Variants in ARHGAP26 observed in about 807,000 individuals in gnomAD.
ARHGAP26 encodes the protein rho GTPase-activating protein 26.
Under a neutral mutation model 104.8 loss-of-function variants are expected in ARHGAP26, and 38 were observed. That is an observed-to-expected ratio of 0.36 (90% CI 0.28 to 0.48). The LOEUF is 0.48. Among genes scored for constraint, ARHGAP26 ranks in the 20% least tolerant of loss-of-function variants. ARHGAP26 has a pLI of 0.99. For missense variants in ARHGAP26, 704 were observed against 947.9 expected (o/e 0.74, Z 3.38); for synonymous variants, 341 against 340.0 (o/e 1.00, Z -0.03).
At chr5:143,013,103 T>A (rs1779117724) in intron 11 of ARHGAP26, among the ~76,000 whole-genome samples, 1 of 152,184 alleles carries the variant, frequency 6.6e-6, no homozygotes, top group South Asian at 2.1e-4. Flanking sequence ...CAAACAAATA[T>A]CTATAATTGA....
chr5:143,203,722 C>T (rs1328302927), intron 20 of ARHGAP26: 1 of 152,212 alleles, frequency 6.6e-6, no homozygotes, highest in Non-Finnish European at 1.5e-5. Flanking sequence ...CACATATACA[C>T]CATGGAATAC....
chr5:143,219,517 T>C lies in ARHGAP26; in HGVS notation c.2192-2841T>C, dbSNP rs140897412. ...CCCATGAATACTATGTGGAATGTAC[T>C]ATGAGCATTTTAGGTGTCTGGAGGA... is the stretch of plus-strand genomic sequence containing the variant. On this transcript the variant is annotated intron_variant, in intron 22 of 22. Coordinates refer to ENST00000645722, the MANE Select transcript of ARHGAP26 (RefSeq NM_001135608.3). Among the ~76,000 whole-genome samples, 657 of 152,290 alleles carry C rather than the reference T, an allele frequency of 4.3e-3. 2 individuals carry two copies. Among genetic ancestry groups the C allele is most frequent in the Middle Eastern group, 0.02 (6 of 294 alleles).
chr5:142,937,199 C>T (rs1416354955), intron 11 of ARHGAP26, among the ~76,000 whole-genome samples: 1 of 151,928 alleles, frequency 6.6e-6, no homozygotes, highest in Non-Finnish European at 1.5e-5. Context: ...TAAGAACTCT[C>T]AAAACTTAAC....
At chr5:143,109,227 A>G (rs1056349032) in intron 17 of ARHGAP26, among the ~76,000 whole-genome samples, 2 of 152,198 alleles carry the variant, frequency 1.3e-5, no homozygotes, top group Non-Finnish European at 2.9e-5. Context: ...TTCTTCCACC[A>G]GGCTTCCCAG....
rs568167749 is a variant in ARHGAP26, at chr5:142,997,626, C to T, written c.1108-16454C>T. ...AGAGACAAGGTCTCACCATGTTGCC[C>T]AGGCTGGTCTCAAACTCCTGATCCC... is the stretch of plus-strand genomic sequence containing the variant. On this transcript the variant is annotated intron_variant, in intron 11 of 22. Coordinates refer to ENST00000645722, the MANE Select transcript of ARHGAP26 (RefSeq NM_001135608.3). Among the ~76,000 whole-genome samples, 3 of 149,862 alleles carry T rather than the reference C, an allele frequency of 2.0e-5. No homozygotes were observed. In the East Asian group the frequency reaches 5.9e-4, roughly 29 times the overall value.
intron 1 of ARHGAP26, among the ~76,000 whole-genome samples, chr5:142,843,467 A>G (rs1284175467): frequency 6.6e-6 from 1 of 152,216 alleles, no homozygotes; most frequent in Admixed American, 6.5e-5. Context: ...GATGCCTACC[A>G]TTCATTGAGT....
intron 21 of ARHGAP26, among the ~76,000 whole-genome samples, chr5:143,209,647 G>T (rs1471028122): frequency 2.0e-5 from 3 of 152,098 alleles, no homozygotes; most frequent in Non-Finnish European, 4.4e-5. Flanking sequence ...CAGGCATGGT[G>T]GTGGGCGCCT....
chr5:143,012,537 T>TTATA (rs752338630), intron 11 of ARHGAP26, among the ~76,000 whole-genome samples: 2,506 of 17,302 alleles, frequency 0.14, 403 homozygotes, highest in Middle Eastern at 0.24. Context: ...AGGGATATAT[T>TTATA]TATATACATA....
chr5:142,912,856 CATAGA>C (rs1384818523), intron 9 of ARHGAP26, among the ~76,000 whole-genome samples: 1 of 152,138 alleles, frequency 6.6e-6, no homozygotes, highest in African/African-American at 2.4e-5. Context: ...AACCCAAGAT[CATAGA>C]AGCTCAGAGT....
At chr5:143,181,855 A>G (rs561408555) in intron 20 of ARHGAP26, among the ~76,000 whole-genome samples, 2 of 152,304 alleles carry the variant, frequency 1.3e-5, no homozygotes, top group South Asian at 4.1e-4. Context: ...AAAACCCCCC[A>G]GTGGCTTAGA....
At chr5:142,804,139 T>A (rs1232989530) in intron 1 of ARHGAP26, among the ~76,000 whole-genome samples, 1 of 152,206 alleles carries the variant, frequency 6.6e-6, no homozygotes, top group Non-Finnish European at 1.5e-5. Context: ...TATCAAATAT[T>A]GCAAGTATAG....
chr5:143,002,985 G>A (rs569440430), intron 11 of ARHGAP26, among the ~76,000 whole-genome samples: 6 of 152,308 alleles, frequency 3.9e-5, no homozygotes, highest in African/African-American at 1.4e-4. Flanking sequence ...GAGAGTCAGT[G>A]TTATCCTGAT....
rs1811588234 is a variant in ARHGAP26 at position 143,225,489 on chromosome 5, A to G, written c.*3043A>G. ...CAGGTGTGAGCCGCTGCGGCCGACCACATTTGATGTTTGAAGTTGTAATCT... is the reference window on the plus strand; with the variant it reads ...CAGGTGTGAGCCGCTGCGGCCGACCGCATTTGATGTTTGAAGTTGTAATCT... On this transcript the variant is annotated 3_prime_UTR_variant, in exon 23 of 23. Transcript: ENST00000645722. 2 of 204,430 alleles carry G rather than the reference A, an allele frequency of 9.8e-6. No homozygotes were observed. The highest frequency in any genetic ancestry group is 1.5e-4 in the East Asian group (2 of 13,446). The allele number at this position is 204,430 out of a possible 1,614,324, so 12.7% of individuals were successfully genotyped here.
intron 1 of ARHGAP26, among the ~76,000 whole-genome samples, chr5:142,798,462 G>T (rs1229075614): frequency 6.6e-6 from 1 of 152,220 alleles, no homozygotes; most frequent in African/African-American, 2.4e-5. Context: ...GGCTTCTTTG[G>T]TGTATAGCTG....
chr5:143,075,272 A>T (rs1042284193), intron 17 of ARHGAP26, among the ~76,000 whole-genome samples: 2 of 151,350 alleles, frequency 1.3e-5, no homozygotes, highest in African/African-American at 4.8e-5. Flanking sequence ...AGTAAATATT[A>T]TGTATAGTGA....
chr5:143,121,002 A>G lies in ARHGAP26; in HGVS notation c.1553A>G (p.His518Arg), dbSNP rs761258345. 7 of 1,613,064 alleles carry G rather than the reference A, an allele frequency of 4.3e-6. No homozygotes were observed. Among genetic ancestry groups the G allele is most frequent in the African/African-American group, 1.3e-5 (1 of 74,980 alleles). The change falls in exon 18 of 23, where the codon CAC becomes CGC. Residue 518 changes from histidine to arginine, a missense_variant. Coordinates refer to ENST00000645722, the MANE Select transcript of ARHGAP26 (RefSeq NM_001135608.3). ...CTTCCTCCCAGTGTTGCTAACAACC[A>G]CAAGCAGAATTTGATGACGGTGGCA... is the stretch of plus-strand genomic sequence containing the variant. ...MNHLANVANN[H>R]KQNLMTVANL...
intron 11 of ARHGAP26, among the ~76,000 whole-genome samples, chr5:142,985,336 T>C (rs1325438020): frequency 6.6e-6 from 1 of 152,186 alleles, no homozygotes; most frequent in East Asian, 1.9e-4. Context: ...AAGAACACTT[T>C]AAATAACTTT....
chr5:142,878,868 C>G (rs959405799), intron 3 of ARHGAP26, among the ~76,000 whole-genome samples: 3 of 152,122 alleles, frequency 2.0e-5, no homozygotes, highest in African/African-American at 7.2e-5. Flanking sequence ...TCAGGAGGCA[C>G]AGGTGTCCTG....
chr5:143,088,972 G>A (rs993018602), intron 17 of ARHGAP26, among the ~76,000 whole-genome samples: 3 of 152,082 alleles, frequency 2.0e-5, no homozygotes, highest in Non-Finnish European at 4.4e-5. Context: ...ATGAGTTAGG[G>A]TGGAGTAGGT....
Sources: gnomAD v4.1 joint callset for allele counts (sites outside exome capture counted in the v4.1 genomes callset) on GRCh38, gnomAD v4.1.1 for gene constraint, MANE v1.5 for transcripts, NCBI Gene and HGNC (gene_info 2026-07-23, HGNC 2026-07-21) for gene names.